The following SEPTIN10 variants were observed in gnomAD, a reference collection of about 807,000 sequenced individuals.
The protein encoded by SEPTIN10 is septin 10.
SEPTIN10 carries 66 observed loss-of-function variants against 54.8 expected under a neutral mutation model. That is an observed-to-expected ratio of 1.21 (90% CI 0.99 to 1.48). The LOEUF is 1.48. Ranked by LOEUF, SEPTIN10 falls within the 40% of genes most tolerant of loss-of-function variation. SEPTIN10 has a pLI of 0.00. For synonymous variants in SEPTIN10, 161 were observed against 181.0 expected (o/e 0.89, Z 0.89); for missense variants, 620 against 545.6 (o/e 1.14, Z -1.36).
At chr2:109,606,074 C>CA (rs1285786440) in intron 1 of SEPTIN10, among the ~76,000 whole-genome samples, 8 of 152,088 alleles carry the variant, frequency 5.3e-5, no homozygotes, top group Admixed American at 6.6e-5. Context: ...GCATCTCATC[C>CA]AAAAAACTAG....
chr2:109,546,350 A>C, intron 9 of SEPTIN10, 113 bp from the exon 10 acceptor site: 1 of 555,354 alleles, frequency 1.8e-6, no homozygotes, highest in African/African-American at 1.9e-5. Context: ...TAACCTACAC[A>C]GTCAAAATCT....
intron 1 of SEPTIN10, among the ~76,000 whole-genome samples, chr2:109,609,159 T>C (rs1698672776): frequency 6.6e-6 from 1 of 152,172 alleles, no homozygotes. Context: ...CTAGGGAAAG[T>C]GGGGCTTCAT....
chr2:109,580,080 C>G (rs1690734252), intron 4 of SEPTIN10, among the ~76,000 whole-genome samples: 1 of 151,902 alleles, frequency 6.6e-6, no homozygotes, highest in South Asian at 2.1e-4. Flanking sequence ...TAGATCGCAC[C>G]ACTGCACTCC....
intron 1 of SEPTIN10, chr2:109,613,218 T>C (rs1699658008): frequency 7.8e-7 from 1 of 1,279,416 alleles, no homozygotes; most frequent in South Asian, 1.2e-5. Flanking sequence ...GAGATAAATC[T>C]ACAAAAGTAA....
chr2:109,601,909 G>A (rs1696680044), intron 1 of SEPTIN10, among the ~76,000 whole-genome samples: 1 of 152,098 alleles, frequency 6.6e-6, no homozygotes, highest in Non-Finnish European at 1.5e-5. Context: ...CAGCATAAGA[G>A]GATTAAGGGA....
At chr2:109,599,580 G>A (rs1214616436) in intron 1 of SEPTIN10, among the ~76,000 whole-genome samples, 4 of 152,000 alleles carry the variant, frequency 2.6e-5, no homozygotes, top group South Asian at 2.1e-4. Flanking sequence ...TGTCAGTACA[G>A]CAAGGCTTAG....
chr2:109,549,480 TCAA>T (rs1217893741), intron 9 of SEPTIN10, among the ~76,000 whole-genome samples: 3 of 152,332 alleles, frequency 2.0e-5, no homozygotes, highest in African/African-American at 4.8e-5. Context: ...GCTCTGGCTA[TCAA>T]CAACTATTCC....
chr2:109,565,062 C>A (rs774976253), intron 7 of SEPTIN10, among the ~76,000 whole-genome samples: 34 of 152,098 alleles, frequency 2.2e-4, no homozygotes, highest in Non-Finnish European at 4.6e-4. Context: ...CATGATCCTT[C>A]TTCTATGTTT....
At chr2:109,548,776 A>T (rs1294624402) in intron 9 of SEPTIN10, among the ~76,000 whole-genome samples, 24 of 9,502 alleles carry the variant, frequency 2.5e-3, no homozygotes, top group African/African-American at 0.014. Flanking sequence ...GCTCCATCTC[A>T]AAAAAAAAAA....
At chr2:109,579,782 T>G (rs1407605979) in intron 4 of SEPTIN10, among the ~76,000 whole-genome samples, 1 of 152,084 alleles carries the variant, frequency 6.6e-6, no homozygotes, top group Non-Finnish European at 1.5e-5. Context: ...GAAAACTCCT[T>G]AAACTCCTTT....
At chr2:109,594,436 T>C (rs1301875520) in intron 1 of SEPTIN10, among the ~76,000 whole-genome samples, 1 of 152,182 alleles carries the variant, frequency 6.6e-6, no homozygotes, top group Non-Finnish European at 1.5e-5. Context: ...TTTGTTTATA[T>C]AAATGGTAGC....
chr2:109,597,479 CTG>C (rs917264965), intron 1 of SEPTIN10, among the ~76,000 whole-genome samples: 15 of 152,186 alleles, frequency 9.9e-5, no homozygotes, highest in African/African-American at 3.4e-4. Flanking sequence ...CCTTGTGACT[CTG>C]TCTCAGAGAA....
chr2:109,593,316 C>T (rs1444161503), intron 1 of SEPTIN10, among the ~76,000 whole-genome samples, 197 bp from the exon 2 acceptor site: 1 of 151,380 alleles, frequency 6.6e-6, no homozygotes, highest in Non-Finnish European at 1.5e-5. Flanking sequence ...AAGTAAATTA[C>T]ATATAATATT....
At chr2:109,591,506 T>C (rs920596179) in intron 2 of SEPTIN10, among the ~76,000 whole-genome samples, 1 of 152,120 alleles carries the variant, frequency 6.6e-6, no homozygotes, top group African/African-American at 2.4e-5. Flanking sequence ...GTGAGGAAGA[T>C]GGAATAGACT....
chr2:109,589,987 T>C (rs1484138246), intron 2 of SEPTIN10, among the ~76,000 whole-genome samples: 1 of 151,760 alleles, frequency 6.6e-6, no homozygotes, highest in Non-Finnish European at 1.5e-5. Flanking sequence ...AAAATATGCA[T>C]TATGTGCATT....
intron 9 of SEPTIN10, among the ~76,000 whole-genome samples, chr2:109,548,314 G>C (rs1373190583): frequency 6.6e-6 from 1 of 152,184 alleles, no homozygotes. Context: ...GATCTGGTTA[G>C]GTAAATCTGA....
At chr2:109,589,448 C>G (rs1007910385) in intron 2 of SEPTIN10, among the ~76,000 whole-genome samples, 1 of 152,076 alleles carries the variant, frequency 6.6e-6, no homozygotes, top group East Asian at 1.9e-4. Context: ...ATGAGAACCG[C>G]TTGAACCTGA....
At chr2:109,552,183 C>T (rs1395450662) in intron 9 of SEPTIN10, among the ~76,000 whole-genome samples, 1 of 152,142 alleles carries the variant, frequency 6.6e-6, no homozygotes, top group East Asian at 1.9e-4. Context: ...ACAGTTTCAT[C>T]CTGAAACCAT....
At chr2:109,544,938 C>T in intron 10 of SEPTIN10, 1 of 984,058 alleles carries the variant, frequency 1.0e-6, no homozygotes. Flanking sequence ...AAAAAACAAA[C>T]AAACAAACAA....
Sources: gnomAD v4.1 joint callset for allele counts (sites outside exome capture counted in the v4.1 genomes callset) on GRCh38, gnomAD v4.1.1 for gene constraint, MANE v1.5 for transcripts, NCBI Gene and HGNC (gene_info 2026-07-23, HGNC 2026-07-21) for gene names.